The following SLC37A3 variants were observed in gnomAD, a reference collection of about 807,000 sequenced individuals.
SLC37A3 encodes sugar phosphate exchanger 3.
In SLC37A3, 51 loss-of-function variants were observed where a neutral mutation model predicts 67.1. The ratio of observed to expected loss-of-function variants is 0.76; its 90% CI spans 0.61 to 0.96. The LOEUF is 0.96. Among genes scored for constraint, SLC37A3 ranks in the 40% least tolerant of loss-of-function variants. SLC37A3 has a pLI of 0.00. For missense variants in SLC37A3, 508 were observed against 603.0 expected (o/e 0.84, Z 1.65); for synonymous variants, 214 against 231.4 (o/e 0.92, Z 0.68).
At chr7:140,376,324 T>C (rs180742126) in intron 3 of SLC37A3, among the ~76,000 whole-genome samples, 2 of 152,348 alleles carry the variant, frequency 1.3e-5, no homozygotes, top group East Asian at 1.9e-4. Context: ...AGTATGACTA[T>C]ACTACTCGGT....
chr7:140,371,362 C>T (rs189890461), intron 3 of SLC37A3, among the ~76,000 whole-genome samples: 91 of 152,122 alleles, frequency 6.0e-4, no homozygotes, highest in African/African-American at 2.0e-3. Flanking sequence ...TTAGTAGAGA[C>T]GGGGTTTCGC....
intron 1 of SLC37A3, among the ~76,000 whole-genome samples, chr7:140,388,569 T>C (rs1056186618): frequency 1.3e-5 from 2 of 151,846 alleles, no homozygotes; most frequent in Non-Finnish European, 2.9e-5. Flanking sequence ...TCCCAGCACT[T>C]TGGGAGGCTG....
Position 140,335,441 on chromosome 7 carries a change from T to A in SLC37A3, c.1456A>T (p.Arg486Trp). ...TCCCTCAATATGTGAGCCTGTCTCC[T>A]TAGCACGAGAGAGAATATTTCCCTC... is the stretch of plus-strand genomic sequence containing the variant. The part of the protein sequence containing the change: ...IVREIFSLVL[R>W]RQAHILRE Residue 486 changes from arginine to tryptophan, a missense_variant, in exon 15 of 15, where the codon AGG (arginine) becomes TGG (tryptophan). Coordinates refer to ENST00000326232, the MANE Select transcript of SLC37A3 (RefSeq NM_207113.3). 2.5e-6 allele frequency: 4 copies of A among 1,614,190 alleles called. No individual in the cohort carries two copies. Among genetic ancestry groups the A allele is most frequent in the Non-Finnish European group, 3.4e-6 (4 of 1,180,024 alleles).
At chr7:140,343,029 G>A (rs1256236173) in intron 13 of SLC37A3, among the ~76,000 whole-genome samples, 2 of 152,068 alleles carry the variant, frequency 1.3e-5, no homozygotes, top group African/African-American at 2.4e-5. Flanking sequence ...AGAGGGAGAC[G>A]GGAGACAGCA....
At chr7:140,397,745 C>G (rs1221190741) in intron 1 of SLC37A3, among the ~76,000 whole-genome samples, 1 of 152,064 alleles carries the variant, frequency 6.6e-6, no homozygotes, top group Non-Finnish European at 1.5e-5. Context: ...CCACTCCTCC[C>G]TATAAACTAT....
intron 2 of SLC37A3, 148 bp downstream of exon 2, chr7:140,382,290 A>G (rs1798288452): frequency 1.5e-6 from 1 of 675,078 alleles, no homozygotes. Flanking sequence ...CTCCAGAACT[A>G]CGATATTACA....
chr7:140,346,695 T>A (rs1433681681), intron 10 of SLC37A3, among the ~76,000 whole-genome samples: 1 of 151,890 alleles, frequency 6.6e-6, no homozygotes, highest in Admixed American at 6.6e-5. Context: ...AGGCCAGGGG[T>A]TCAAAACCAG....
intron 1 of SLC37A3, among the ~76,000 whole-genome samples, chr7:140,395,837 A>G (rs1798904267): frequency 6.6e-6 from 1 of 152,210 alleles, no homozygotes. Flanking sequence ...GAGGGGCATT[A>G]GATGGGCAAT....
chr7:140,353,461 A>G (rs958164812), intron 7 of SLC37A3, among the ~76,000 whole-genome samples: 1 of 151,452 alleles, frequency 6.6e-6, no homozygotes, highest in Non-Finnish European at 1.5e-5. Context: ...TAGGTGACAG[A>G]GTGAGACTCT....
intron 3 of SLC37A3, among the ~76,000 whole-genome samples, chr7:140,369,982 T>C (rs1797756788): frequency 6.6e-6 from 1 of 152,038 alleles, no homozygotes; most frequent in Admixed American, 6.6e-5. Flanking sequence ...TGGTGGCACA[T>C]GCCTGTAATC....
Position 140,333,796 on chromosome 7 carries a change from T to A in SLC37A3, c.*1616A>T, listed in dbSNP as rs1463110470. 6.5e-6 allele frequency: 1 copy of A among 152,674 alleles called. No homozygotes were observed. The highest frequency in any genetic ancestry group is 1.5e-5 in the Non-Finnish European group (1 of 68,034). 9.5% of individuals were successfully genotyped at this position (152,674 alleles called of 1,614,324 possible). A position where few individuals can be genotyped will look rare whatever the true frequency, so the allele number is the denominator to read the frequency against. On this transcript the variant is annotated 3_prime_UTR_variant, in exon 15 of 15. Transcript: ENST00000326232. Reference sequence around the variant, plus strand: ...TATTTTCCCTTTCTGTGTTTCGTATTTTCCCTTTTTGTCAGTAAATGAGCA... The same window carrying A: ...TATTTTCCCTTTCTGTGTTTCGTATATTCCCTTTTTGTCAGTAAATGAGCA...
chr7:140,392,597 G>C (rs6956248), intron 1 of SLC37A3, among the ~76,000 whole-genome samples: 102,355 of 151,898 alleles, frequency 0.67, 34,681 homozygotes, highest in South Asian at 0.8. Context: ...GAGACAAAAA[G>C]ACAGATTCTT....
At chr7:140,367,973 C>T (rs1324435332) in intron 4 of SLC37A3, among the ~76,000 whole-genome samples, 1 of 152,002 alleles carries the variant, frequency 6.6e-6, no homozygotes, top group Non-Finnish European at 1.5e-5. Context: ...GCACCCACAT[C>T]TGGCTAATTT....
chr7:140,383,586 C>T (rs562545149), intron 1 of SLC37A3, among the ~76,000 whole-genome samples: 1 of 152,276 alleles, frequency 6.6e-6, no homozygotes, highest in East Asian at 1.9e-4. Context: ...GTCTGCCCCC[C>T]AGTATCTCCC....
chr7:140,377,881 A>G (rs988199558), intron 3 of SLC37A3, among the ~76,000 whole-genome samples: 1 of 152,056 alleles, frequency 6.6e-6, no homozygotes, highest in Non-Finnish European at 1.5e-5. Context: ...AAATAATTTA[A>G]AAAAAATTTT....
intron 5 of SLC37A3, 116 bp downstream of exon 5, chr7:140,364,292 G>T: frequency 1.1e-6 from 1 of 945,648 alleles, no homozygotes; most frequent in South Asian, 2.0e-5. Context: ...AAAGGCAAAT[G>T]AGGGATTCGA....
intron 8 of SLC37A3, 36 bp from the exon 9 acceptor site, chr7:140,351,487 C>T: frequency 6.2e-7 from 1 of 1,600,640 alleles, no homozygotes; most frequent in African/African-American, 1.3e-5. Context: ...TTATGGAGTG[C>T]CTACCACGTG....
At position 140,364,500 on chromosome 7, in the gene SLC37A3, A is replaced by C; in HGVS notation, c.292-9T>G. 6.2e-7 allele frequency: 1 copy of C among 1,613,320 alleles called. No homozygotes were observed. The highest frequency in any genetic ancestry group is 8.5e-7 in the Non-Finnish European group (1 of 1,179,646). On this transcript the variant is annotated splice_polypyrimidine_tract_variant and intron_variant, in intron 4 of 14. Coordinates refer to ENST00000326232, the MANE Select transcript of SLC37A3 (RefSeq NM_207113.3). ...CCACTGATGAATAGGCCCTAAAAATAAAGCATTTTCTTTTACAGCTCTAAA... is the reference window on the plus strand; with the variant it reads ...CCACTGATGAATAGGCCCTAAAAATCAAGCATTTTCTTTTACAGCTCTAAA...
At chr7:140,384,296 C>A (rs1404612154) in intron 1 of SLC37A3, among the ~76,000 whole-genome samples, 1 of 152,146 alleles carries the variant, frequency 6.6e-6, no homozygotes, top group African/African-American at 2.4e-5. Flanking sequence ...TATAGTAGTT[C>A]TCTCCGGGTA....
Sources: allele counts gnomAD v4.1 joint callset (sites outside exome capture counted in the v4.1 genomes callset), GRCh38; gene constraint gnomAD v4.1.1; transcripts MANE v1.5; gene names NCBI Gene and HGNC (gene_info 2026-07-23, HGNC 2026-07-21).